The following BICD1 variants were observed in gnomAD, a reference collection of about 807,000 sequenced individuals.
BICD1 encodes protein bicaudal D homolog 1.
BICD1 carries 35 observed loss-of-function variants against 92.5 expected under a neutral mutation model. That is an observed-to-expected ratio of 0.38 (90% CI 0.29 to 0.50). The LOEUF is 0.50. Ranked by LOEUF, BICD1 falls within the 20% of genes least tolerant of loss-of-function variation. The pLI, the probability that BICD1 is intolerant of heterozygous loss-of-function variation, is 0.93. For synonymous variants in BICD1, 429 were observed against 465.1 expected, an observed-to-expected ratio of 0.92 and a Z score of 1.00; for missense variants, 950 against 1,189.8, an observed-to-expected ratio of 0.80 and a Z score of 2.97.
chr12:32,313,490 G>C lies in BICD1; in HGVS notation c.1005+7368G>C, dbSNP rs1361198192. 6.6e-6 allele frequency among the ~76,000 whole-genome samples: 1 copy of C among 152,132 alleles called. No individual in the cohort carries two copies. The highest frequency in any genetic ancestry group is 2.4e-5 in the African/African-American group (1 of 41,414). The stretch of plus-strand genomic sequence containing the variant: ...TTCAAGGTCAAAAATCTAGTAAGTG[G>C]AGTTGCTACACAGAGACAGTCGAAC... On this transcript the variant is annotated intron_variant, in intron 4 of 9. Coordinates refer to ENST00000652176, the MANE Select transcript of BICD1 (RefSeq NM_001714.4). This position sits in a 1 kb window ranked among gnomAD's most constrained non-coding sequence, Gnocchi z 4.2.
intron 1 of BICD1, among the ~76,000 whole-genome samples, chr12:32,122,766 GA>G (rs1156469467): frequency 6.6e-6 from 1 of 152,106 alleles, no homozygotes; most frequent in East Asian, 1.9e-4. Context: ...AAAAAGCAAC[GA>G]AGAAAGCTCT....
rs907735945 is a variant in BICD1, at chr12:32,220,430, G to A, written c.426+3971G>A. On this transcript the variant is annotated intron_variant, in intron 2 of 9. Transcript: ENST00000652176. ...CCAACAACCCCGTCAAAAAGTGGGC[G>A]AAGGACATGAACAGACACTTCTCAG... Among the ~76,000 whole-genome samples the A allele has an allele frequency of 6.8e-4, 103 of 152,252 alleles. 2 individuals carry two copies. The highest frequency in any genetic ancestry group is 5.9e-4 in the Admixed American group (9 of 15,284).
At chr12:32,342,232 A>G (rs1432137661) in intron 8 of BICD1, among the ~76,000 whole-genome samples, 2 of 136,868 alleles carry the variant, frequency 1.5e-5, no homozygotes, top group East Asian at 4.1e-4. Flanking sequence ...ATATATATAT[A>G]TGTATAGTTT....
intron 2 of BICD1, among the ~76,000 whole-genome samples, chr12:32,229,052 C>T (rs1326311142): frequency 2.0e-5 from 3 of 151,956 alleles, no homozygotes; most frequent in South Asian, 2.1e-4. Flanking sequence ...GAGTTTGAGA[C>T]GAGCCTGGCT....
intron 2 of BICD1, chr12:32,227,478 TG>T (rs1397780036): frequency 6.6e-6 from 1 of 152,388 alleles, no homozygotes; most frequent in African/African-American, 2.4e-5. Context: ...AGGTGTTGTG[TG>T]GGTTGCCTGG....
intron 8 of BICD1, among the ~76,000 whole-genome samples, chr12:32,357,939 G>A (rs778010552): frequency 3.3e-5 from 5 of 152,100 alleles, no homozygotes; most frequent in Non-Finnish European, 7.4e-5. Context: ...AACATCATGG[G>A]CCATTCCACT....
Position 32,327,903 on chromosome 12 carries a change from T to C in BICD1, c.1448T>C (p.Met483Thr). The C allele has an allele frequency of 1.2e-6, 2 of 1,614,052 alleles. No individual in the cohort carries two copies. The highest frequency in any genetic ancestry group is 1.7e-6 in the Non-Finnish European group (2 of 1,180,018). ...TKESGEKMAH[M>T]EKELQKMTSI... ...GAGAGTGGTGAGAAGATGGCCCACA[T>C]GGAGAAGGAGTTGCAAAAGATGACC... The change falls in exon 5 of 10, where the codon ATG becomes ACG. Residue 483 changes from methionine to threonine, a missense_variant. Met to Thr is a moderately conservative substitution (Grantham distance 81). This residue lies in a region of BICD1 where 309 missense variants were observed against 499.4 expected (regional missense o/e 0.62). Transcript: ENST00000652176.
intron 9 of BICD1, among the ~76,000 whole-genome samples, chr12:32,374,910 C>CTTTTTTTTTTTTTT (rs1185628924): frequency 4.0e-5 from 2 of 49,604 alleles, no homozygotes; most frequent in Non-Finnish European, 3.4e-5. Context: ...ATTTATTTTC[C>CTTTTTTTTTTTTTT]TTTTTTTTTT....
chr12:32,290,386 C>G (rs1947694499), intron 2 of BICD1, among the ~76,000 whole-genome samples: 1 of 152,128 alleles, frequency 6.6e-6, no homozygotes, highest in South Asian at 2.1e-4. Context: ...TTTGGCCCTG[C>G]CCAAGTTAGG....
chr12:32,332,138 G>A (rs1442422788), intron 5 of BICD1, among the ~76,000 whole-genome samples: 3 of 152,118 alleles, frequency 2.0e-5, no homozygotes, highest in Non-Finnish European at 2.9e-5. Context: ...ACCAGATACC[G>A]CATGTTCTCA....
At chr12:32,221,883 A>G (rs1945543508) in intron 2 of BICD1, among the ~76,000 whole-genome samples, 1 of 152,134 alleles carries the variant, frequency 6.6e-6, no homozygotes, top group African/African-American at 2.4e-5. Flanking sequence ...TAAAGAAAGC[A>G]GATTGCTATA....
chr12:32,107,807 A>G, intron 1 of BICD1: 1 of 697,940 alleles, frequency 1.4e-6, no homozygotes, highest in South Asian at 1.5e-5. Context: ...AAGAGTCATC[A>G]AGTCTCAGCA....
chr12:32,279,210 G>A (rs919464016), intron 2 of BICD1, among the ~76,000 whole-genome samples: 3 of 152,162 alleles, frequency 2.0e-5, no homozygotes, highest in Admixed American at 6.5e-5. Flanking sequence ...TGGGACTTGC[G>A]GGGATAGAAG....
chr12:32,238,463 G>A (rs1946137147), intron 2 of BICD1, among the ~76,000 whole-genome samples: 1 of 152,162 alleles, frequency 6.6e-6, no homozygotes, highest in Non-Finnish European at 1.5e-5. Context: ...TTGTCGAAAT[G>A]ACACCATAGG....
chr12:32,293,578 C>T lies in BICD1; in HGVS notation c.427-416C>T, dbSNP rs564253468. On this transcript the variant is annotated intron_variant, in intron 2 of 9. Transcript: ENST00000652176. ...CTCCTGACCTCAGGTGATCCACCTACCTTGACCTCCCAAAGTGCTGGGATT... is the reference window on the plus strand; with the variant it reads ...CTCCTGACCTCAGGTGATCCACCTATCTTGACCTCCCAAAGTGCTGGGATT... Among the ~76,000 whole-genome samples the T allele has an allele frequency of 4.6e-5, 7 of 152,064 alleles. No individual in the cohort carries two copies. In the South Asian group the frequency reaches 1.5e-3, roughly 32 times the overall value.
At chr12:32,358,298 A>AC (rs1294173860) in intron 8 of BICD1, among the ~76,000 whole-genome samples, 1 of 151,674 alleles carries the variant, frequency 6.6e-6, no homozygotes, top group Non-Finnish European at 1.5e-5. Context: ...ATGAGTTTTC[A>AC]CCATGTTGGC....
At chr12:32,334,470 A>AT in intron 5 of BICD1, 46 bp from the exon 6 acceptor site, 1 of 1,554,734 alleles carries the variant, frequency 6.4e-7, no homozygotes. Context: ...TGTATGATGG[A>AT]TTTTCCTGAT....
chr12:32,213,032 A>AT (rs1945260989), intron 1 of BICD1, among the ~76,000 whole-genome samples: 1 of 152,236 alleles, frequency 6.6e-6, no homozygotes, highest in Non-Finnish European at 1.5e-5. Context: ...ACCATCTTAC[A>AT]TAATCATAGT....
intron 1 of BICD1, among the ~76,000 whole-genome samples, chr12:32,128,404 A>G (rs1397136489): frequency 1.3e-5 from 2 of 152,136 alleles, no homozygotes; most frequent in East Asian, 3.8e-4. Flanking sequence ...CTCTTATCTC[A>G]GTCCCTGGAA....
Sources: gnomAD v4.1 joint callset for allele counts (sites outside exome capture counted in the v4.1 genomes callset) on GRCh38, gnomAD v4.1.1 for gene constraint, gnomAD v4.1.1 regional missense constraint, Gnocchi (gnomAD v3.1) non-coding constraint, MANE v1.5 for transcripts, NCBI Gene and HGNC (gene_info 2026-07-23, HGNC 2026-07-21) for gene names.